NLGN1: variants seen among roughly 807,000 people sequenced by gnomAD.
The protein encoded by NLGN1 is neuroligin-1.
A neutral mutation model predicts 65.5 loss-of-function variants in NLGN1; 12 were observed. That is an observed-to-expected ratio of 0.18 (90% CI 0.12 to 0.30). The LOEUF is 0.30. Ranked by LOEUF, NLGN1 falls within the 10% of genes least tolerant of loss-of-function variation. The pLI is 1.00. For synonymous variants in NLGN1, 350 were observed against 359.5 expected (o/e 0.97, Z 0.30); for missense variants, 750 against 1,007.1 (o/e 0.74, Z 3.46).
At chr3:173,565,318 T>G (rs2149311369) in intron 2 of NLGN1, among the ~76,000 whole-genome samples, 1 of 152,328 alleles carries the variant, frequency 6.6e-6, no homozygotes, top group Non-Finnish European at 1.5e-5. Flanking sequence ...GCAGATGTTT[T>G]GCAGTGAAGC....
chr3:173,744,711 T>G (rs1258883799), intron 3 of NLGN1, among the ~76,000 whole-genome samples: 1 of 152,138 alleles, frequency 6.6e-6, no homozygotes, highest in Non-Finnish European at 1.5e-5. Context: ...TTGTAAATCA[T>G]TAAATTTTGC....
chr3:173,545,625 T>C (rs916283945), intron 2 of NLGN1, among the ~76,000 whole-genome samples: 2 of 152,144 alleles, frequency 1.3e-5, no homozygotes, highest in East Asian at 3.9e-4. Context: ...ATCATTCTAA[T>C]ATAAAGACAC....
At chr3:173,782,537 ATGTT>A (rs896585259) in intron 3 of NLGN1, among the ~76,000 whole-genome samples, 1 of 152,152 alleles carries the variant, frequency 6.6e-6, no homozygotes, top group African/African-American at 2.4e-5. Context: ...CATTTTATGA[ATGTT>A]TGTAGTTTAT....
upstream of NLGN1, chr3:173,397,926 G>A (rs1217245634): frequency 6.6e-6 from 1 of 152,284 alleles, no homozygotes; most frequent in East Asian, 1.9e-4. Context: ...GCGACTGTGC[G>A]GCGCTCACGC....
At chr3:173,411,201 C>CT (rs1409943977) in intron 1 of NLGN1, among the ~76,000 whole-genome samples, 6 of 152,216 alleles carry the variant, frequency 3.9e-5, no homozygotes, top group African/African-American at 1.2e-4. Flanking sequence ...TTGCTATAAA[C>CT]TAATCATTGG....
At chr3:173,745,286 A>G (rs1775196029) in intron 3 of NLGN1, among the ~76,000 whole-genome samples, 1 of 152,078 alleles carries the variant, frequency 6.6e-6, no homozygotes, top group African/African-American at 2.4e-5. Flanking sequence ...CCACTGAAAG[A>G]ACATTCTTTT....
chr3:173,842,900 G>T (rs1725048018), intron 4 of NLGN1, among the ~76,000 whole-genome samples: 1 of 152,158 alleles, frequency 6.6e-6, no homozygotes, highest in Admixed American at 6.5e-5. Context: ...CTGTGTAGGG[G>T]TTCCAACCCC....
chr3:173,592,318 A>T (rs1361289006), intron 2 of NLGN1, among the ~76,000 whole-genome samples: 2 of 152,218 alleles, frequency 1.3e-5, no homozygotes, highest in Non-Finnish European at 2.9e-5. Context: ...TTTCGCCATT[A>T]GTTGTAATGA....
At chr3:173,708,318 C>A (rs534397850) in intron 3 of NLGN1, among the ~76,000 whole-genome samples, 2 of 152,316 alleles carry the variant, frequency 1.3e-5, no homozygotes, top group African/African-American at 4.8e-5. Flanking sequence ...GAGCAGAAGG[C>A]CCCTCCCTTG....
intron 2 of NLGN1, among the ~76,000 whole-genome samples, chr3:173,585,255 A>G (rs1747184942): frequency 6.6e-6 from 1 of 152,100 alleles, no homozygotes; most frequent in South Asian, 2.1e-4. Flanking sequence ...CAAGCTCTCA[A>G]CTTTGCATTG....
chr3:173,459,381 CAT>C (rs1269048119), intron 2 of NLGN1, among the ~76,000 whole-genome samples: 2 of 152,060 alleles, frequency 1.3e-5, no homozygotes, highest in African/African-American at 2.4e-5. Flanking sequence ...TGCACATACA[CAT>C]GTGAATTTAA....
rs892749029 is a variant in NLGN1 at position 174,030,931 on chromosome 3, A to G, written c.646+223099A>G. On this transcript the variant is annotated intron_variant, in intron 4 of 6. Coordinates refer to ENST00000457714, the Ensembl canonical transcript of NLGN1. ...TCAAAACTCTTTAGATTCATGTTAA[A>G]CCTTTCTTTATGCCACACATCTTAA... 2.0e-5 allele frequency among the ~76,000 whole-genome samples: 3 copies of G among 152,136 alleles called. No individual in the cohort carries two copies. The South Asian group carries it at 6.2e-4, about 31-fold the overall frequency.
At chr3:173,637,885 G>A (rs1487181696) in intron 3 of NLGN1, among the ~76,000 whole-genome samples, 2 of 152,068 alleles carry the variant, frequency 1.3e-5, no homozygotes, top group African/African-American at 2.4e-5. Context: ...TTGGGATTTG[G>A]TCTTACACAC....
intron 3 of NLGN1, among the ~76,000 whole-genome samples, chr3:173,784,612 C>T (rs1252393972): frequency 6.6e-6 from 1 of 151,934 alleles, no homozygotes; most frequent in Non-Finnish European, 1.5e-5. Context: ...GAGTGAGAAA[C>T]AGAGAGAGGA....
chr3:174,144,583 T>A (rs1722867088), intron 4 of NLGN1, among the ~76,000 whole-genome samples: 1 of 152,306 alleles, frequency 6.6e-6, no homozygotes, highest in Admixed American at 6.5e-5. Flanking sequence ...ATCCTTTGTT[T>A]CCTGACTTTT....
intron 4 of NLGN1, among the ~76,000 whole-genome samples, chr3:174,265,224 A>G (rs941266629): frequency 6.3e-4 from 96 of 151,640 alleles, no homozygotes; most frequent in Middle Eastern, 3.4e-3. Context: ...CGAGCTTCCC[A>G]GCTGCTTTGT....
chr3:173,729,487 A>G (rs541353024), intron 3 of NLGN1, among the ~76,000 whole-genome samples: 1 of 152,200 alleles, frequency 6.6e-6, no homozygotes, highest in African/African-American at 2.4e-5. Flanking sequence ...ACCCAGGGAC[A>G]TAAGTTGCGT....
chr3:173,703,471 T>A (rs1445274465), intron 3 of NLGN1, among the ~76,000 whole-genome samples: 3 of 150,434 alleles, frequency 2.0e-5, no homozygotes, highest in Non-Finnish European at 4.4e-5. Flanking sequence ...TATTTTAACT[T>A]CTTCTTAAAA....
intron 4 of NLGN1, among the ~76,000 whole-genome samples, chr3:174,174,787 G>A (rs1729147776): frequency 6.6e-6 from 1 of 151,842 alleles, no homozygotes; most frequent in East Asian, 1.9e-4. Flanking sequence ...ACTTATAGCT[G>A]TAAACTCCTC....
Sources: allele counts gnomAD v4.1 joint callset (sites outside exome capture counted in the v4.1 genomes callset), GRCh38; gene constraint gnomAD v4.1.1; transcripts MANE v1.5; gene names NCBI Gene and HGNC (gene_info 2026-07-23, HGNC 2026-07-21).